Variants in ZNF444 observed in about 807,000 individuals in gnomAD.
ZNF444 encodes the protein zinc finger protein 444, also known as endothelial zinc finger protein 2.
Under a neutral mutation model 14.4 loss-of-function variants are expected in ZNF444, and 8 were observed. That is an observed-to-expected ratio of 0.56 (90% CI 0.33 to 1.00). The LOEUF (loss-of-function observed/expected upper bound fraction) is 1.00, where lower values mean the gene tolerates loss of function less well. Among genes scored for constraint, ZNF444 ranks in the 50% least tolerant of loss-of-function variants. The pLI is 0.03. For missense variants in ZNF444, 510 were observed against 504.8 expected, an observed-to-expected ratio of 1.01 and a Z score of -0.10; for synonymous variants, 258 against 235.9, an observed-to-expected ratio of 1.09 and a Z score of -0.86.
At chr19:56,150,468 C>G (rs1463091215) in intron 3 of ZNF444, 6 of 364,594 alleles carry the variant, frequency 1.6e-5, no homozygotes, top group Non-Finnish European at 2.7e-5. Flanking sequence ...TCTCTTGTAT[C>G]TGTTACTCTC....
intron 1 of ZNF444, among the ~76,000 whole-genome samples, chr19:56,135,449 C>T (rs958620139): frequency 9.9e-5 from 15 of 152,032 alleles, no homozygotes; most frequent in Admixed American, 2.6e-4. Flanking sequence ...GGTCCAGCCA[C>T]GGTTGGTTAA....
At chr19:56,139,046 G>C (rs145285550), upstream of ZNF444, among the ~76,000 whole-genome samples, 8 of 151,798 alleles carry the variant, frequency 5.3e-5, no homozygotes, top group Non-Finnish European at 8.8e-5. Flanking sequence ...CGCACGCCTC[G>C]GTCTCCCAAA....
In ZNF444 at chr19:56,160,415, C is replaced by G. The variant is rs189978566; in HGVS notation, c.*214C>G. On this transcript the variant is annotated 3_prime_UTR_variant, in exon 5 of 5. Coordinates refer to ENST00000337080, the MANE Select transcript of ZNF444 (RefSeq NM_018337.4). ...TTTCCTTCTCAGGTCTCACCTCAGC[C>G]CCCCCCTTCTCCCTGATTTCTCGGC... 372 of 485,684 alleles carry G rather than the reference C, an allele frequency of 7.7e-4. 4 individuals are homozygous for G. The highest frequency in any genetic ancestry group is 5.1e-3 in the South Asian group (154 of 30,352). The allele number at this position is 485,684 out of a possible 1,614,324, so 30.1% of individuals were successfully genotyped here.
intron 3 of ZNF444, chr19:56,154,810 C>G (rs950173172): frequency 2.0e-5 from 3 of 152,258 alleles, no homozygotes; most frequent in African/African-American, 7.2e-5. Context: ...AGTGGGTGGA[C>G]AGGCCTATGC....
At chr19:56,141,727 A>G (rs2123462585) in intron 1 of ZNF444, 1 of 148,070 alleles carries the variant, frequency 6.8e-6, no homozygotes, top group East Asian at 2.0e-4. Context: ...CTGTGAGATG[A>G]AAGCTGAGTG....
chr19:56,141,241 G>C (rs1265680253), upstream of ZNF444: 4 of 145,890 alleles, frequency 2.7e-5, no homozygotes, highest in Non-Finnish European at 4.5e-5. Flanking sequence ...TATGGGATTG[G>C]GGGAGGGGGA....
At chr19:56,148,988 C>T (rs1217361123) in intron 3 of ZNF444, among the ~76,000 whole-genome samples, 1 of 152,144 alleles carries the variant, frequency 6.6e-6, no homozygotes. Context: ...GGCCCTTCCT[C>T]CGTCCTCAGA....
chr19:56,137,056 T>G (rs1457708424), upstream of ZNF444, among the ~76,000 whole-genome samples: 3 of 150,730 alleles, frequency 2.0e-5, no homozygotes, highest in South Asian at 4.3e-4. Context: ...GTGCTGGGAT[T>G]ACAGGCGTGA....
intron 1 of ZNF444, among the ~76,000 whole-genome samples, chr19:56,135,878 C>T (rs914823378): frequency 4.0e-5 from 6 of 151,224 alleles, no homozygotes; most frequent in African/African-American, 1.2e-4. Flanking sequence ...ATCAGAAGAT[C>T]GACCAGCCTG....
chr19:56,140,423 C>T (rs555922217), upstream of ZNF444, among the ~76,000 whole-genome samples: 1 of 152,220 alleles, frequency 6.6e-6, no homozygotes, highest in African/African-American at 2.4e-5. Flanking sequence ...GGCCTCAGGA[C>T]GGGGCAGTAG....
intron 3 of ZNF444, among the ~76,000 whole-genome samples, chr19:56,148,521 C>G (rs1008219265): frequency 1.3e-5 from 2 of 152,096 alleles, no homozygotes; most frequent in Non-Finnish European, 2.9e-5. Flanking sequence ...GGGAGCAGCT[C>G]CCGTCAAGGC....
intron 3 of ZNF444, chr19:56,156,357 A>G (rs2031903481): frequency 1.3e-5 from 2 of 152,234 alleles, no homozygotes; most frequent in Non-Finnish European, 2.9e-5. Context: ...CCATGTAGAA[A>G]TGTGATTAGA....
chr19:56,143,943 G>C (rs577479120), intron 1 of ZNF444, among the ~76,000 whole-genome samples: 1 of 152,170 alleles, frequency 6.6e-6, no homozygotes, highest in Non-Finnish European at 1.5e-5. Context: ...TGGGGGGAAA[G>C]AGTGATCCAG....
At chr19:56,151,961 C>T (rs1599888433) in intron 3 of ZNF444, 7 of 455,868 alleles carry the variant, frequency 1.5e-5, no homozygotes, top group Admixed American at 9.4e-5. Flanking sequence ...GAGACATTGC[C>T]GGATGAGAAG....
Position 56,151,966 on chromosome 19 carries a change from GAGA to G in ZNF444, c.297+4761_297+4763del, listed in dbSNP as rs2031608756. Reference sequence around the variant, plus strand: ...AGTTTTCACCGAGACATTGCCGGATGAGAAGGAGAGGACAGCCGAGGAGAGGCT... The same window carrying G: ...AGTTTTCACCGAGACATTGCCGGATGAGGAGAGGACAGCCGAGGAGAGGCT... On this transcript the variant is annotated intron_variant, in intron 3 of 4. Coordinates refer to ENST00000337080, the MANE Select transcript of ZNF444 (RefSeq NM_018337.4). The G allele has an allele frequency of 2.4e-5, 11 of 455,946 alleles. 1 individual carries two copies. Among genetic ancestry groups the G allele is most frequent in the South Asian group, 1.1e-4 (7 of 64,482 alleles). The allele number at this position is 455,946 out of a possible 1,614,324, so 28.2% of individuals were successfully genotyped here.
At chr19:56,158,640 C>T (rs1239818336) in intron 4 of ZNF444, 38 bp downstream of exon 4, 2 of 1,536,424 alleles carry the variant, frequency 1.3e-6, no homozygotes, top group Non-Finnish European at 1.8e-6. Context: ...CCGCCAGCCC[C>T]CAGCACCGGG....
chr19:56,148,694 T>C (rs1447242788), intron 3 of ZNF444, among the ~76,000 whole-genome samples: 3 of 152,292 alleles, frequency 2.0e-5, no homozygotes, highest in African/African-American at 7.2e-5. Flanking sequence ...TCCGGGTCAT[T>C]GTTCCCAAAA....
At chr19:56,153,048 A>AT (rs555522271) in intron 3 of ZNF444, among the ~76,000 whole-genome samples, 10 of 151,686 alleles carry the variant, frequency 6.6e-5, no homozygotes, top group Admixed American at 1.3e-4. Flanking sequence ...AGACTTTCAC[A>AT]TTTTTTTTAA....
rs762348062 is a variant in ZNF444, at chr19:56,159,605, ACTCT to A, written c.407-16_407-13del. 23 of 1,417,814 alleles carry A rather than the reference ACTCT, an allele frequency of 1.6e-5. No individual in the cohort carries two copies. The Admixed American group carries it at 2.4e-4, about 15-fold the overall frequency. The allele number at this position is 1,417,814 out of a possible 1,614,324, so 87.8% of individuals were successfully genotyped here. ...CGCCCTCGTGCCGACCCAGATGCTG[ACTCT>A]CTTTCTTTTCCCAGCAGGCACCGCC... On this transcript the variant is annotated splice_polypyrimidine_tract_variant and intron_variant, in intron 4 of 4. Coordinates refer to ENST00000337080, the MANE Select transcript of ZNF444 (RefSeq NM_018337.4).
Sources: gnomAD v4.1 joint callset for allele counts (sites outside exome capture counted in the v4.1 genomes callset) on GRCh38, gnomAD v4.1.1 for gene constraint, MANE v1.5 for transcripts, NCBI Gene and HGNC (gene_info 2026-07-23, HGNC 2026-07-21) for gene names.